The following PRMT3 variants were observed in gnomAD, a reference collection of about 807,000 sequenced individuals.
PRMT3 encodes protein arginine N-methyltransferase 3.
In PRMT3, 62 loss-of-function variants were observed where a neutral mutation model predicts 71.9. The observed-to-expected ratio is 0.86, with a 90% CI of 0.70 to 1.07. The LOEUF (loss-of-function observed/expected upper bound fraction) is 1.07. Among genes scored for constraint, PRMT3 ranks in the 50% least tolerant of loss-of-function variants. PRMT3 has a pLI of 0.00. For synonymous variants in PRMT3, 213 were observed against 220.4 expected (o/e 0.97, Z 0.30); for missense variants, 663 against 643.0 (o/e 1.03, Z -0.34).
intron 12 of PRMT3, among the ~76,000 whole-genome samples, chr11:20,463,025 C>T (rs1850423209): frequency 6.6e-6 from 1 of 152,136 alleles, no homozygotes; most frequent in Non-Finnish European, 1.5e-5. Flanking sequence ...ACCACCATGC[C>T]TGGCTAAATT....
intron 13 of PRMT3, among the ~76,000 whole-genome samples, chr11:20,480,427 G>A (rs1850902829): frequency 1.3e-5 from 2 of 152,174 alleles, no homozygotes; most frequent in African/African-American, 4.8e-5. Context: ...CTGGTGGTCA[G>A]TAGTTTGATA....
intron 9 of PRMT3, among the ~76,000 whole-genome samples, chr11:20,411,505 C>T (rs1849191631): frequency 6.6e-6 from 1 of 151,952 alleles, no homozygotes; most frequent in African/African-American, 2.4e-5. Context: ...AGAATCTTTG[C>T]TTGAGTGTCA....
At chr11:20,404,515 A>C (rs919626539) in intron 8 of PRMT3, among the ~76,000 whole-genome samples, 2 of 151,964 alleles carry the variant, frequency 1.3e-5, no homozygotes, top group African/African-American at 4.8e-5. Flanking sequence ...TACAGACGTG[A>C]GCCACCACGC....
intron 10 of PRMT3, 30 bp from the exon 11 acceptor site, chr11:20,452,100 A>C: frequency 6.7e-7 from 1 of 1,503,504 alleles, no homozygotes. Context: ...GCACATTTCT[A>C]AACTCTTTTT....
intron 7 of PRMT3, among the ~76,000 whole-genome samples, chr11:20,402,097 T>G (rs1848960183): frequency 6.6e-6 from 1 of 151,938 alleles, no homozygotes; most frequent in African/African-American, 2.4e-5. Context: ...TTTACTTTTA[T>G]CTCCTTTCTA....
chr11:20,389,689 C>A (rs1319804998), intron 2 of PRMT3, 55 bp from the exon 3 acceptor site: 6 of 1,188,134 alleles, frequency 5.0e-6, no homozygotes, highest in Non-Finnish European at 7.3e-6. Context: ...AACATGAAAT[C>A]AGTATTTAGA....
Position 20,462,036 on chromosome 11 carries a change from G to C in PRMT3, c.1129G>C (p.Ala377Pro). The C allele has an allele frequency of 6.2e-7, 1 of 1,612,798 alleles. No homozygotes were observed. Among genetic ancestry groups the C allele is most frequent in the Non-Finnish European group, 8.5e-7 (1 of 1,179,140 alleles). ...AGCAGTGAGTGATGTGAATAAACATGCTGATAGAATTGCTTTTTGGGATGA... is the reference window on the plus strand; with the variant it reads ...AGCAGTGAGTGATGTGAATAAACATCCTGATAGAATTGCTTTTTGGGATGA... ...LVAVSDVNKH[A>P]DRIAFWDDVY... Residue 377 changes from alanine to proline, a missense_variant, in exon 12 of 16, where the codon GCT becomes CCT. Physicochemically the swap from Ala to Pro is conservative, Grantham distance 27. Transcript: ENST00000331079.
intron 9 of PRMT3, among the ~76,000 whole-genome samples, chr11:20,419,813 G>A (rs190373637): frequency 1.3e-5 from 2 of 152,228 alleles, no homozygotes; most frequent in Non-Finnish European, 2.9e-5. Context: ...CTCCATTAAG[G>A]CAGTAGAACC....
At chr11:20,439,305 C>T (rs1172486116) in intron 10 of PRMT3, among the ~76,000 whole-genome samples, 1 of 127,118 alleles carries the variant, frequency 7.9e-6, no homozygotes, top group East Asian at 2.1e-4. Context: ...ACCTCCTTGC[C>T]ATAGGGAGAA....
chr11:20,404,243 T>TTG (rs753374774), intron 8 of PRMT3, among the ~76,000 whole-genome samples: 3 of 70,646 alleles, frequency 4.2e-5, no homozygotes, highest in East Asian at 6.1e-4. Flanking sequence ...TTTTTTTTTT[T>TTG]TTTTTTTTTG....
At chr11:20,492,032 G>A (rs1322573514) in intron 13 of PRMT3, among the ~76,000 whole-genome samples, 5 of 152,128 alleles carry the variant, frequency 3.3e-5, no homozygotes, top group Non-Finnish European at 5.9e-5. Flanking sequence ...AAAATTTATT[G>A]AGAACCTACT....
intron 15 of PRMT3, 57 bp downstream of exon 15, chr11:20,494,311 A>G (rs371865849): frequency 1.4e-6 from 2 of 1,382,498 alleles, no homozygotes; most frequent in Non-Finnish European, 2.0e-6. Context: ...AATGATATTC[A>G]TTCATTTTAC....
At chr11:20,421,484 C>T (rs191274723) in intron 9 of PRMT3, among the ~76,000 whole-genome samples, 33 of 152,284 alleles carry the variant, frequency 2.2e-4, no homozygotes, top group Non-Finnish European at 3.8e-4. Flanking sequence ...CTCCCCACTA[C>T]CTTCTGACCT....
chr11:20,453,133 A>AT (rs1158563330), intron 11 of PRMT3, among the ~76,000 whole-genome samples: 1 of 152,012 alleles, frequency 6.6e-6, no homozygotes, highest in Admixed American at 6.6e-5. Context: ...GACCATAGTT[A>AT]TGCCTCCTAC....
chr11:20,502,623 G>T lies in PRMT3; in HGVS notation c.1487-5681G>T, dbSNP rs935062838. Among the ~76,000 whole-genome samples the T allele has an allele frequency of 2.0e-5, 3 of 152,060 alleles. No homozygotes were observed. The South Asian group carries it at 6.2e-4, about 31-fold the overall frequency. The stretch of plus-strand genomic sequence containing the variant: ...TGAGGAATGCATAGAACTCTTATAG[G>T]TACATCCTTTGATCCTGAAATGAAG... On this transcript the variant is annotated intron_variant, in intron 15 of 15. Coordinates refer to ENST00000331079, the MANE Select transcript of PRMT3 (RefSeq NM_005788.4).
chr11:20,480,066 C>A (rs1288661440), intron 13 of PRMT3, among the ~76,000 whole-genome samples: 3 of 152,172 alleles, frequency 2.0e-5, no homozygotes, highest in Admixed American at 6.5e-5. Context: ...TGGTTTACAC[C>A]TGTAATCCCA....
chr11:20,403,332 A>AT (rs774582664), intron 8 of PRMT3, among the ~76,000 whole-genome samples: 220 of 152,332 alleles, frequency 1.4e-3, no homozygotes, highest in Non-Finnish European at 2.4e-3. Context: ...GCACCATGTC[A>AT]TAGCATACTT....
At chr11:20,443,657 T>C (rs1289564747) in intron 10 of PRMT3, among the ~76,000 whole-genome samples, 1 of 152,210 alleles carries the variant, frequency 6.6e-6, no homozygotes, top group Non-Finnish European at 1.5e-5. Context: ...GAAACTGTTT[T>C]TGTGGGTCTG....
At chr11:20,415,017 G>GGGGTGTGT (rs1555009388) in intron 9 of PRMT3, among the ~76,000 whole-genome samples, 1 of 135,316 alleles carries the variant, frequency 7.4e-6, no homozygotes, top group Non-Finnish European at 1.7e-5. Flanking sequence ...TGGTGGTAGT[G>GGGGTGTGT]GTGTGTGTGT....
Sources: gnomAD v4.1 joint callset for allele counts (sites outside exome capture counted in the v4.1 genomes callset) on GRCh38, gnomAD v4.1.1 for gene constraint, MANE v1.5 for transcripts, NCBI Gene and HGNC (gene_info 2026-07-23, HGNC 2026-07-21) for gene names.